Variants in ABCC9 observed in about 807,000 individuals in gnomAD.
ABCC9 encodes the protein ATP-binding cassette sub-family C member 9.
Under a neutral mutation model 188.3 loss-of-function variants are expected in ABCC9, and 95 were observed. The ratio of observed to expected loss-of-function variants is 0.50; its 90% CI spans 0.43 to 0.60. ABCC9 has a LOEUF of 0.60. ABCC9 is among the 20% of genes least tolerant of loss of function. The pLI is 0.00. For missense variants in ABCC9, 1,102 were observed against 1,876.3 expected, an observed-to-expected ratio of 0.59 and a Z score of 7.62; for synonymous variants, 659 against 652.7, an observed-to-expected ratio of 1.01 and a Z score of -0.15.
intron 25 of ABCC9, 110 bp downstream of exon 25, chr12:21,848,040 T>C: frequency 1.1e-6 from 1 of 899,528 alleles, no homozygotes; most frequent in Non-Finnish European, 1.8e-6. Context: ...GATTTAATTT[T>C]TTCCCCTGGC....
chr12:21,842,445 T>TA lies in ABCC9; in HGVS notation c.3341dup (p.Thr1115AsnfsTer44). Reference sequence around the variant, plus strand: ...ACAGGCAGAGCAGTGTTGAGCGAGTTAGAGATTCCAAGGTTGGAGGGATGT... The same window carrying TA: ...ACAGGCAGAGCAGTGTTGAGCGAGTTAAGAGATTCCAAGGTTGGAGGGATGT... On this transcript the variant is annotated frameshift_variant, in exon 29 of 40. Coordinates refer to ENST00000261200, the MANE Select transcript of ABCC9 (RefSeq NM_020297.4). LOFTEE classifies it high-confidence loss of function. 1 of 1,614,040 alleles carries TA rather than the reference T, an allele frequency of 6.2e-7. No individual in the cohort carries two copies. Among genetic ancestry groups the TA allele is most frequent in the Non-Finnish European group, 8.5e-7 (1 of 1,179,968 alleles).
chr12:21,803,337 A>C (rs1356621377), intron 39 of ABCC9, among the ~76,000 whole-genome samples: 1 of 152,036 alleles, frequency 6.6e-6, no homozygotes, highest in Non-Finnish European at 1.5e-5. Flanking sequence ...GATATTCTAA[A>C]ATAATATTTA....
intron 23 of ABCC9, 58 bp downstream of exon 23, chr12:21,852,310 G>C: frequency 1.2e-6 from 2 of 1,612,270 alleles, no homozygotes; most frequent in Non-Finnish European, 1.7e-6. Flanking sequence ...ATTTTTTACT[G>C]TCTCTATTTA....
rs910884799 is a variant in ABCC9, at chr12:21,859,445, A to G, written c.2505+141T>C. ...TACTGATCTACTAATCTGTACTTCAAGGATTTATTTCCCCTATATACTTTA... is the reference window on the plus strand; with the variant it reads ...TACTGATCTACTAATCTGTACTTCAGGGATTTATTTCCCCTATATACTTTA... On this transcript the variant is annotated intron_variant, in intron 22 of 39. Coordinates refer to ENST00000261200, the MANE Select transcript of ABCC9 (RefSeq NM_020297.4). The G allele has an allele frequency of 3.6e-6, 3 of 830,826 alleles. No individual in the cohort carries two copies. In the African/African-American group the frequency reaches 5.0e-5, roughly 14 times the overall value. 51.5% of individuals were successfully genotyped at this position (830,826 alleles called of 1,614,324 possible).
At chr12:21,824,810 T>C (rs1213739772) in intron 31 of ABCC9, among the ~76,000 whole-genome samples, 1 of 152,204 alleles carries the variant, frequency 6.6e-6, no homozygotes, top group African/African-American at 2.4e-5. Context: ...TGATGGTAGT[T>C]TGTATTGATG....
intron 31 of ABCC9, among the ~76,000 whole-genome samples, chr12:21,826,969 G>A (rs1197935904): frequency 6.6e-6 from 1 of 152,110 alleles, no homozygotes; most frequent in Non-Finnish European, 1.5e-5. Context: ...AGAAGACATA[G>A]TAACAAATGC....
Position 21,800,941 on chromosome 12 carries a change from G to A in ABCC9, c.*103C>T, listed in dbSNP as rs188290333. On this transcript the variant is annotated 3_prime_UTR_variant, in exon 40 of 40. Coordinates refer to ENST00000261200, the MANE Select transcript of ABCC9 (RefSeq NM_020297.4). The stretch of plus-strand genomic sequence containing the variant: ...ATGTCCACTTTTTGTGCAAAAATCT[G>A]TAAAAGTTTTAAGATGCCACTTTAC... 7.0e-7 allele frequency: 1 copy of A among 1,420,964 alleles called. No homozygotes were observed. Among genetic ancestry groups the A allele is most frequent in the Non-Finnish European group, 9.6e-7 (1 of 1,036,626 alleles). The allele number at this position is 1,420,964 out of a possible 1,614,324, so 88.0% of individuals were successfully genotyped here.
chr12:21,831,605 T>TG (rs1201995392), intron 30 of ABCC9, among the ~76,000 whole-genome samples: 3 of 151,642 alleles, frequency 2.0e-5, no homozygotes, highest in Non-Finnish European at 2.9e-5. Flanking sequence ...CGGTAGGAAA[T>TG]GGAGTGAAGG....
At chr12:21,891,121 GGTCT>G (rs1947141092) in intron 14 of ABCC9, among the ~76,000 whole-genome samples, 1 of 151,930 alleles carries the variant, frequency 6.6e-6, no homozygotes, top group Non-Finnish European at 1.5e-5. Flanking sequence ...TTCCCTTCCT[GGTCT>G]GTCTAACTAG....
chr12:21,838,726 G>A (rs1565722770), intron 29 of ABCC9, among the ~76,000 whole-genome samples: 2 of 152,030 alleles, frequency 1.3e-5, no homozygotes, highest in African/African-American at 4.8e-5. Context: ...GAAAAAAATC[G>A]CTGAAGACTA....
At chr12:21,936,145 T>C (rs1949478704) in intron 3 of ABCC9, among the ~76,000 whole-genome samples, 1 of 152,152 alleles carries the variant, frequency 6.6e-6, no homozygotes, top group Admixed American at 6.5e-5. Context: ...GGCATAGTCA[T>C]TTCTCATGAC....
At chr12:21,832,856 A>C (rs1457048304) in intron 30 of ABCC9, among the ~76,000 whole-genome samples, 1 of 152,182 alleles carries the variant, frequency 6.6e-6, no homozygotes. Context: ...GCAACTGCAA[A>C]AATATGGAAC....
At chr12:21,829,755 T>C (rs1490927472) in intron 30 of ABCC9, among the ~76,000 whole-genome samples, 1 of 152,214 alleles carries the variant, frequency 6.6e-6, no homozygotes, top group East Asian at 1.9e-4. Context: ...GAAATGCAAC[T>C]GTACCGATAT....
intron 7 of ABCC9, among the ~76,000 whole-genome samples, chr12:21,914,564 A>G (rs1948455627): frequency 6.6e-6 from 1 of 152,158 alleles, no homozygotes; most frequent in African/African-American, 2.4e-5. Context: ...AGTGATTATT[A>G]GTTGGTATCT....
intron 28 of ABCC9, among the ~76,000 whole-genome samples, chr12:21,843,317 C>T (rs61926072): frequency 0.024 from 3,594 of 152,190 alleles, 57 homozygotes; most frequent in Non-Finnish European, 0.039. Flanking sequence ...CACATTTATA[C>T]GTTAAATTTC....
intron 18 of ABCC9, among the ~76,000 whole-genome samples, chr12:21,867,909 C>T (rs1945863100): frequency 6.6e-6 from 1 of 151,916 alleles, no homozygotes; most frequent in Non-Finnish European, 1.5e-5. Flanking sequence ...TCTGGACACT[C>T]CTCTGAAACT....
chr12:21,878,474 T>C (rs1282249322), intron 16 of ABCC9, among the ~76,000 whole-genome samples: 4 of 152,174 alleles, frequency 2.6e-5, no homozygotes, highest in Non-Finnish European at 5.9e-5. Context: ...CAGGTGAGGT[T>C]GTGTAAATGG....
Position 21,838,150 on chromosome 12 carries a change from TCG to T in ABCC9, c.3492_3493del (p.Asp1164GlufsTer2). Reference sequence around the variant, plus strand: ...ACAGAGCAGAGGGAGCTGGGTACTATCGTCAAGTTCCTGGAGGTCCCTAGTAG... The same window carrying T: ...ACAGAGCAGAGGGAGCTGGGTACTATTCAAGTTCCTGGAGGTCCCTAGTAG... On this transcript the variant is annotated frameshift_variant, in exon 30 of 40. Coordinates refer to ENST00000261200, the MANE Select transcript of ABCC9 (RefSeq NM_020297.4). LOFTEE classifies it high-confidence loss of function. 1 of 1,614,080 alleles carries T rather than the reference TCG, an allele frequency of 6.2e-7. No individual in the cohort carries two copies. The highest frequency in any genetic ancestry group is 8.5e-7 in the Non-Finnish European group (1 of 1,179,926).
rs1165389664 is a variant in ABCC9 at position 21,848,142 on chromosome 12, AG to A, written c.2866+7del. The A allele has an allele frequency of 1.9e-6, 3 of 1,612,262 alleles. No homozygotes were observed. In the African/African-American group the frequency reaches 4.0e-5, roughly 22 times the overall value. ...TAGAATGTTCCAGATAAAAGAAAAAAGATCTACCTTCGTCTTCGTCCTCCAT... is the reference window on the plus strand; with the variant it reads ...TAGAATGTTCCAGATAAAAGAAAAAAATCTACCTTCGTCTTCGTCCTCCAT... On this transcript the variant is annotated splice_region_variant and intron_variant, in intron 25 of 39. Coordinates refer to ENST00000261200, the MANE Select transcript of ABCC9 (RefSeq NM_020297.4).
Sources: gnomAD v4.1 joint callset for allele counts (sites outside exome capture counted in the v4.1 genomes callset) on GRCh38, gnomAD v4.1.1 for gene constraint, MANE v1.5 for transcripts, NCBI Gene and HGNC (gene_info 2026-07-23, HGNC 2026-07-21) for gene names.